Variants in GRM7 observed in about 807,000 individuals in gnomAD.
GRM7 encodes glutamate metabotropic receptor 7.
A neutral mutation model predicts 84.5 loss-of-function variants in GRM7; 35 were observed. That is an observed-to-expected ratio of 0.41 (90% confidence interval 0.32 to 0.55). GRM7 has a LOEUF of 0.55. GRM7 is among the 20% of genes least tolerant of loss of function. The pLI, the probability that GRM7 is intolerant of heterozygous loss-of-function variation, is 0.19. For missense variants in GRM7, 1,003 were observed against 1,194.6 expected, an observed-to-expected ratio of 0.84 and a Z score of 2.36; for synonymous variants, 487 against 455.1, an observed-to-expected ratio of 1.07 and a Z score of -0.89.
At chr3:7,419,102 C>A (rs1171073402) in intron 5 of GRM7, among the ~76,000 whole-genome samples, 1 of 152,028 alleles carries the variant, frequency 6.6e-6, no homozygotes, top group Non-Finnish European at 1.5e-5. Flanking sequence ...CTGTGTCAGT[C>A]CTTAGAGATC....
At chr3:7,177,968 G>C (rs1695210454) in intron 2 of GRM7, among the ~76,000 whole-genome samples, 1 of 152,126 alleles carries the variant, frequency 6.6e-6, no homozygotes, top group South Asian at 2.1e-4. Context: ...TCCTATGTTA[G>C]ATGTTTAGAA....
At chr3:7,330,426 A>T (rs1477743384) in intron 4 of GRM7, among the ~76,000 whole-genome samples, 1 of 152,086 alleles carries the variant, frequency 6.6e-6, no homozygotes. Context: ...ACAGCCATAC[A>T]GGCTTACTTC....
chr3:7,645,546 T>TA (rs71043684), intron 8 of GRM7, among the ~76,000 whole-genome samples: 2,286 of 87,666 alleles, frequency 0.026, 59 homozygotes, highest in African/African-American at 0.087. Flanking sequence ...GACTCCATCT[T>TA]AAAAAAAAAA....
chr3:6,999,682 C>T (rs985721143), intron 1 of GRM7, among the ~76,000 whole-genome samples: 6 of 152,184 alleles, frequency 3.9e-5, no homozygotes, highest in South Asian at 2.1e-4. Flanking sequence ...GAAGCAAACA[C>T]AACCTTCTTC....
At chr3:7,223,394 A>T (rs566266432) in intron 2 of GRM7, among the ~76,000 whole-genome samples, 15 of 151,854 alleles carry the variant, frequency 9.9e-5, no homozygotes, top group African/African-American at 3.6e-4. Context: ...GGCTACTTTT[A>T]GTTCTGCAAT....
chr3:7,581,899 T>G (rs2125055819), intron 8 of GRM7, among the ~76,000 whole-genome samples: 1 of 152,270 alleles, frequency 6.6e-6, no homozygotes, highest in Admixed American at 6.5e-5. Flanking sequence ...GAAGTTTGTT[T>G]TTGCTTTTGT....
At chr3:6,952,179 G>A (rs369354151) in intron 1 of GRM7, among the ~76,000 whole-genome samples, 2 of 152,092 alleles carry the variant, frequency 1.3e-5, no homozygotes, top group South Asian at 2.1e-4. Flanking sequence ...TCCAAGGGTC[G>A]TTAGGAAGGA....
intron 9 of GRM7, chr3:7,686,538 C>G: frequency 3.1e-6 from 2 of 642,868 alleles, no homozygotes; most frequent in South Asian, 1.9e-5. Context: ...GCATGATTAC[C>G]TGAAAATATA....
intron 1 of GRM7, among the ~76,000 whole-genome samples, chr3:6,944,960 T>C (rs1698010360): frequency 6.6e-6 from 1 of 152,164 alleles, no homozygotes. Flanking sequence ...CCTTTTAATA[T>C]CTGTAGAATC....
At chr3:6,982,387 A>G (rs1694243202) in intron 1 of GRM7, among the ~76,000 whole-genome samples, 1 of 152,148 alleles carries the variant, frequency 6.6e-6, no homozygotes, top group South Asian at 2.1e-4. Flanking sequence ...GCTACACCAA[A>G]CCTCAGTGAC....
intron 1 of GRM7, among the ~76,000 whole-genome samples, chr3:7,082,827 T>C (rs1698316772): frequency 1.3e-5 from 2 of 152,068 alleles, no homozygotes; most frequent in South Asian, 4.1e-4. Context: ...ACTGCAGATG[T>C]GGTGGAAATT....
chr3:7,638,137 T>C (rs1173009229), intron 8 of GRM7, among the ~76,000 whole-genome samples: 1 of 152,026 alleles, frequency 6.6e-6, no homozygotes, highest in Non-Finnish European at 1.5e-5. Flanking sequence ...CACACTTCCT[T>C]TAATAGGCCC....
intron 5 of GRM7, among the ~76,000 whole-genome samples, chr3:7,427,936 A>G (rs1014237613): frequency 2.0e-5 from 3 of 152,180 alleles, no homozygotes; most frequent in African/African-American, 4.8e-5. Flanking sequence ...GGCAGACTTC[A>G]AAACCTTATG....
At chr3:7,413,979 T>C (rs1696054466) in intron 4 of GRM7, among the ~76,000 whole-genome samples, 1 of 152,178 alleles carries the variant, frequency 6.6e-6, no homozygotes, top group Non-Finnish European at 1.5e-5. Context: ...AACCAGGGTC[T>C]GGAATTAGGC....
At chr3:6,917,037 A>G (rs1696964266) in intron 1 of GRM7, among the ~76,000 whole-genome samples, 1 of 152,110 alleles carries the variant, frequency 6.6e-6, no homozygotes, top group African/African-American at 2.4e-5. Flanking sequence ...TAGCGATTCT[A>G]TTCAGAAGAA....
intron 2 of GRM7, among the ~76,000 whole-genome samples, chr3:7,170,662 T>C (rs1694953501): frequency 6.6e-6 from 1 of 152,174 alleles, no homozygotes; most frequent in East Asian, 1.9e-4. Flanking sequence ...AGAGAGATTA[T>C]TCAAAAGGGA....
chr3:7,422,222 TTC>T (rs1271200213), intron 5 of GRM7, among the ~76,000 whole-genome samples: 1 of 152,150 alleles, frequency 6.6e-6, no homozygotes, highest in Non-Finnish European at 1.5e-5. Context: ...GTCAGGCTGT[TTC>T]TGACACAACT....
chr3:7,072,123 G>A (rs1171636020), intron 1 of GRM7, among the ~76,000 whole-genome samples: 1 of 152,044 alleles, frequency 6.6e-6, no homozygotes, highest in Non-Finnish European at 1.5e-5. Context: ...AATATGCCCA[G>A]TTCATACTGA....
intron 2 of GRM7, among the ~76,000 whole-genome samples, chr3:7,252,195 G>T (rs920467404): frequency 1.3e-5 from 2 of 152,188 alleles, no homozygotes; most frequent in South Asian, 2.1e-4. Context: ...ATTTGTTACC[G>T]AGAGGCAAGT....
Sources: gnomAD v4.1 joint callset for allele counts (sites outside exome capture counted in the v4.1 genomes callset) on GRCh38, gnomAD v4.1.1 for gene constraint, MANE v1.5 for transcripts, NCBI Gene and HGNC (gene_info 2026-07-23, HGNC 2026-07-21) for gene names.